The following AGBL4 variants were observed in gnomAD, a reference collection of about 807,000 sequenced individuals.
The protein encoded by AGBL4 is cytosolic carboxypeptidase 6.
Under a neutral mutation model 66.4 loss-of-function variants are expected in AGBL4, and 58 were observed. That is an observed-to-expected ratio of 0.87 (90% CI 0.71 to 1.09). The LOEUF (loss-of-function observed/expected upper bound fraction) is 1.09, where lower values mean the gene tolerates loss of function less well. Among genes scored for constraint, AGBL4 ranks in the 50% least tolerant of loss-of-function variants. The probability of loss-of-function intolerance (pLI) is 0.00; values close to 1 mark genes in which losing one functional copy is unlikely to be tolerated. For synonymous variants in AGBL4, 234 were observed against 222.9 expected (o/e 1.05, Z -0.44); for missense variants, 579 against 631.0 (o/e 0.92, Z 0.88).
chr1:48,806,184 GC>G (rs1322695568), intron 6 of AGBL4, among the ~76,000 whole-genome samples: 12 of 152,086 alleles, frequency 7.9e-5, no homozygotes, highest in African/African-American at 2.7e-4. Context: ...TTTACTACAT[GC>G]CTTTCTTCAT....
intron 6 of AGBL4, among the ~76,000 whole-genome samples, chr1:48,720,723 G>A (rs1250255633): frequency 6.6e-6 from 1 of 152,056 alleles, no homozygotes; most frequent in Non-Finnish European, 1.5e-5. Context: ...AACATGTATA[G>A]AGATGAATTA....
chr1:48,982,901 G>A (rs1467559793), intron 5 of AGBL4, among the ~76,000 whole-genome samples: 3 of 152,058 alleles, frequency 2.0e-5, no homozygotes, highest in Non-Finnish European at 2.9e-5. Flanking sequence ...ATTCTAACTT[G>A]TGTGAGATGG....
chr1:49,776,929 G>C (rs148682635), intron 2 of AGBL4, among the ~76,000 whole-genome samples: 1 of 152,170 alleles, frequency 6.6e-6, no homozygotes, highest in African/African-American at 2.4e-5. Flanking sequence ...CAGAATATGA[G>C]TTCACAAATA....
chr1:49,656,656 C>A (rs925992143), intron 3 of AGBL4, among the ~76,000 whole-genome samples: 3 of 152,290 alleles, frequency 2.0e-5, no homozygotes, highest in Admixed American at 1.3e-4. Context: ...AGCTTATCCA[C>A]CATGATCAAG....
intron 4 of AGBL4, among the ~76,000 whole-genome samples, chr1:49,135,078 G>A (rs749071021): frequency 6.6e-6 from 1 of 151,568 alleles, no homozygotes; most frequent in Non-Finnish European, 1.5e-5. Context: ...AAATAACTCA[G>A]TGGTATTTCT....
chr1:49,657,896 T>C (rs1454578392), intron 3 of AGBL4, among the ~76,000 whole-genome samples: 4 of 152,066 alleles, frequency 2.6e-5, no homozygotes, highest in Admixed American at 6.6e-5. Flanking sequence ...CCTCAAACCA[T>C]GAAAACCCTA....
intron 2 of AGBL4, among the ~76,000 whole-genome samples, chr1:49,817,058 C>G (rs1273261930): frequency 1.3e-5 from 2 of 152,204 alleles, no homozygotes; most frequent in Non-Finnish European, 2.9e-5. Context: ...CCTGAAGAGG[C>G]AGCCCTATAT....
At chr1:49,963,138 G>T (rs1463624283) in intron 1 of AGBL4, among the ~76,000 whole-genome samples, 1 of 152,112 alleles carries the variant, frequency 6.6e-6, no homozygotes, top group Non-Finnish European at 1.5e-5. Context: ...GTATGGGTCA[G>T]ACTATAACAA....
intron 9 of AGBL4, among the ~76,000 whole-genome samples, chr1:48,623,565 T>C (rs920308784): frequency 3.9e-5 from 6 of 152,270 alleles, no homozygotes; most frequent in Admixed American, 3.3e-4. Flanking sequence ...TGATTTCCCA[T>C]GGCTAAGGCC....
At chr1:49,316,861 G>C (rs901812113) in intron 3 of AGBL4, among the ~76,000 whole-genome samples, 1 of 151,692 alleles carries the variant, frequency 6.6e-6, no homozygotes, top group African/African-American at 2.4e-5. Flanking sequence ...CTAAAGGATA[G>C]GTAAAATAAA....
At chr1:48,942,312 G>C (rs926342590) in intron 5 of AGBL4, among the ~76,000 whole-genome samples, 6 of 21,466 alleles carry the variant, frequency 2.8e-4, no homozygotes, top group African/African-American at 6.0e-4. Flanking sequence ...TATTGTGGTG[G>C]GGGGGGGGGG....
intron 8 of AGBL4, among the ~76,000 whole-genome samples, chr1:48,638,253 G>T (rs1335240814): frequency 1.3e-5 from 2 of 152,224 alleles, no homozygotes; most frequent in African/African-American, 4.8e-5. Flanking sequence ...CCACGGAGTT[G>T]CACAGAACAA....
intron 5 of AGBL4, among the ~76,000 whole-genome samples, chr1:49,023,845 C>T (rs1377522188): frequency 6.6e-6 from 1 of 152,146 alleles, no homozygotes; most frequent in East Asian, 1.9e-4. Flanking sequence ...CCTCTGCCCT[C>T]TAATTAAAAC....
intron 3 of AGBL4, among the ~76,000 whole-genome samples, chr1:49,325,260 C>A (rs1019265166): frequency 6.6e-6 from 1 of 152,140 alleles, no homozygotes; most frequent in Non-Finnish European, 1.5e-5. Context: ...CTCCTGACCT[C>A]GTGATCCACC....
intron 5 of AGBL4, among the ~76,000 whole-genome samples, chr1:49,002,560 A>C (rs1661472520): frequency 6.6e-6 from 1 of 152,216 alleles, no homozygotes; most frequent in Non-Finnish European, 1.5e-5. Context: ...ATAGGAGAGC[A>C]AGGGAGAGAA....
intron 4 of AGBL4, among the ~76,000 whole-genome samples, chr1:49,074,366 GC>G (rs1373141761): frequency 1.3e-5 from 2 of 152,198 alleles, no homozygotes; most frequent in African/African-American, 4.8e-5. Flanking sequence ...GCGACACCCT[GC>G]CCTGCTTCGG....
intron 3 of AGBL4, among the ~76,000 whole-genome samples, chr1:49,266,845 C>G (rs537897598): frequency 6.6e-6 from 1 of 152,214 alleles, no homozygotes; most frequent in Admixed American, 6.5e-5. Flanking sequence ...TTAACTTTCA[C>G]TGAAAGCAAT....
At chr1:48,919,118 C>T (rs1291652367) in intron 5 of AGBL4, among the ~76,000 whole-genome samples, 1 of 152,070 alleles carries the variant, frequency 6.6e-6, no homozygotes, top group African/African-American at 2.4e-5. Flanking sequence ...AAAATAGGAG[C>T]TTTATATTTG....
At chr1:48,904,827 G>GA (rs1198666099) in intron 5 of AGBL4, among the ~76,000 whole-genome samples, 5 of 152,104 alleles carry the variant, frequency 3.3e-5, no homozygotes, top group African/African-American at 1.2e-4. Context: ...TACCAACATA[G>GA]AAAAACTTCA....
Sources: allele counts gnomAD v4.1 joint callset (sites outside exome capture counted in the v4.1 genomes callset), GRCh38; gene constraint gnomAD v4.1.1; transcripts MANE v1.5; gene names NCBI Gene and HGNC (gene_info 2026-07-23, HGNC 2026-07-21).